Variants in SUSD1 observed in about 807,000 individuals in gnomAD.
SUSD1 encodes the protein sushi domain containing 1.
In SUSD1, 65 loss-of-function variants were observed where a neutral mutation model predicts 86.9. That is an observed-to-expected ratio of 0.75 (90% confidence interval 0.61 to 0.92). SUSD1 has a LOEUF of 0.92. Ranked by LOEUF, SUSD1 falls within the 40% of genes least tolerant of loss-of-function variation. The pLI, the probability that SUSD1 is intolerant of heterozygous loss-of-function variation, is 0.00. For synonymous variants in SUSD1, 346 were observed against 350.0 expected (o/e 0.99, Z 0.13); for missense variants, 850 against 929.7 (o/e 0.91, Z 1.11).
chr9:112,086,934 T>G (rs763166193), intron 10 of SUSD1, among the ~76,000 whole-genome samples: 1 of 151,508 alleles, frequency 6.6e-6, no homozygotes, highest in Non-Finnish European at 1.5e-5. Flanking sequence ...AAACCAGCAA[T>G]TCTGTCCTGG....
At chr9:112,102,895 G>GA (rs1049951890) in intron 8 of SUSD1, among the ~76,000 whole-genome samples, 1 of 152,124 alleles carries the variant, frequency 6.6e-6, no homozygotes, top group African/African-American at 2.4e-5. Flanking sequence ...CCATTGTACA[G>GA]AAAAAAGTCA....
rs186828622 is a variant in SUSD1 at position 112,078,312 on chromosome 9, C to T, written c.1753+226G>A. On this transcript the variant is annotated intron_variant, in intron 12 of 16. Transcript: ENST00000374270. Reference sequence around the variant, plus strand: ...TGAGCCATGATCGTGCCTCTGCACTCCAGCCTGGGCGACAGAGCAAGACCC... The same window carrying T: ...TGAGCCATGATCGTGCCTCTGCACTTCAGCCTGGGCGACAGAGCAAGACCC... 1.7e-3 allele frequency among the ~76,000 whole-genome samples: 260 copies of T among 152,326 alleles called. 1 individual carries two copies. The highest frequency in any genetic ancestry group is 3.3e-3 in the Admixed American group (51 of 15,298).
intron 9 of SUSD1, among the ~76,000 whole-genome samples, chr9:112,099,219 CAATT>C (rs1405070246): frequency 6.6e-6 from 1 of 152,058 alleles, no homozygotes; most frequent in African/African-American, 2.4e-5. Context: ...ATTATTTTTA[CAATT>C]AATTTGTAAA....
chr9:112,061,010 A>G (rs1031745217), intron 13 of SUSD1, among the ~76,000 whole-genome samples: 2 of 152,136 alleles, frequency 1.3e-5, no homozygotes, highest in Admixed American at 6.5e-5. Context: ...ATTATTATAC[A>G]AATTCCCCGA....
At chr9:112,156,171 A>AC (rs1339813642) in intron 2 of SUSD1, among the ~76,000 whole-genome samples, 1 of 151,504 alleles carries the variant, frequency 6.6e-6, no homozygotes, top group Non-Finnish European at 1.5e-5. Flanking sequence ...TAAAAAAAAA[A>AC]AAAACTCACT....
intron 7 of SUSD1, 120 bp from the exon 8 acceptor site, chr9:112,111,960 C>T: frequency 9.7e-7 from 1 of 1,031,336 alleles, no homozygotes; most frequent in African/African-American, 1.6e-5. Context: ...AGCCAGGGAG[C>T]ATTCGTAAGG....
At chr9:112,093,343 C>T (rs965811261) in intron 10 of SUSD1, among the ~76,000 whole-genome samples, 1 of 152,150 alleles carries the variant, frequency 6.6e-6, no homozygotes, top group Non-Finnish European at 1.5e-5. Flanking sequence ...CTCTGGGACC[C>T]GCCTGTGCAC....
intron 16 of SUSD1, 87 bp downstream of exon 16, chr9:112,041,780 C>A: frequency 7.5e-7 from 1 of 1,333,782 alleles, no homozygotes; most frequent in Non-Finnish European, 1.0e-6. Context: ...CTCCCTTTGA[C>A]TCCCCTCATC....
At chr9:112,161,033 T>G (rs1260748094) in intron 1 of SUSD1, among the ~76,000 whole-genome samples, 2 of 152,168 alleles carry the variant, frequency 1.3e-5, no homozygotes, top group East Asian at 3.8e-4. Context: ...CACATTAACA[T>G]TTTAGCACAA....
At chr9:112,086,262 G>C (rs1259341847) in intron 10 of SUSD1, among the ~76,000 whole-genome samples, 5 of 148,988 alleles carry the variant, frequency 3.4e-5, no homozygotes, top group African/African-American at 1.2e-4. Context: ...AAGCTGCAGT[G>C]AGATGTGTCC....
intron 14 of SUSD1, among the ~76,000 whole-genome samples, chr9:112,055,103 T>C (rs1166178969): frequency 6.6e-6 from 1 of 152,146 alleles, no homozygotes; most frequent in East Asian, 1.9e-4. Context: ...CACTTGTCAT[T>C]AGGGAAATGC....
In SUSD1 at chr9:112,054,081, A is replaced by T. The variant is rs370680966; in HGVS notation, c.2110-1643T>A. The stretch of plus-strand genomic sequence containing the variant: ...CAATGCTATTTACTGGGACAGATAC[A>T]CAAAGGGAAAAACAAAATGGGGCAT... On this transcript the variant is annotated intron_variant, in intron 14 of 16. Transcript: ENST00000374270. Among the ~76,000 whole-genome samples the T allele has an allele frequency of 4.9e-4, 74 of 152,354 alleles. No homozygotes were observed. The South Asian group carries it at 0.014, about 29-fold the overall frequency.
At chr9:112,059,128 C>G (rs1828593344) in intron 13 of SUSD1, among the ~76,000 whole-genome samples, 1 of 152,188 alleles carries the variant, frequency 6.6e-6, no homozygotes, top group African/African-American at 2.4e-5. Context: ...AGACACGACA[C>G]TAGGCAAGAA....
chr9:112,064,046 T>TTTTTTTTTTTTTTTTTG (rs1491139474), intron 12 of SUSD1, among the ~76,000 whole-genome samples: 1 of 78,656 alleles, frequency 1.3e-5, no homozygotes, highest in Non-Finnish European at 3.0e-5. Flanking sequence ...TTTCTTTTTT[T>TTTTTTTTTTTTTTTTTG]GGGGGGGGGG....
At chr9:112,067,519 T>C (rs1049191851) in intron 12 of SUSD1, among the ~76,000 whole-genome samples, 11 of 152,342 alleles carry the variant, frequency 7.2e-5, no homozygotes, top group African/African-American at 2.6e-4. Context: ...CCCTCAGCTG[T>C]GTACTGGCAG....
intron 12 of SUSD1, among the ~76,000 whole-genome samples, chr9:112,070,829 C>G (rs73532420): frequency 6.6e-6 from 1 of 151,956 alleles, no homozygotes; most frequent in Non-Finnish European, 1.5e-5. Flanking sequence ...GGAAAGAGAC[C>G]CAAAGAAATG....
intron 1 of SUSD1, among the ~76,000 whole-genome samples, chr9:112,170,865 A>G (rs1029369876): frequency 2.4e-4 from 36 of 151,790 alleles, no homozygotes; most frequent in Non-Finnish European, 3.8e-4. Flanking sequence ...GCCCACCACC[A>G]GGCCCGGCCA....
At chr9:112,096,592 T>A (rs1296376795) in intron 10 of SUSD1, among the ~76,000 whole-genome samples, 1 of 152,208 alleles carries the variant, frequency 6.6e-6, no homozygotes, top group Non-Finnish European at 1.5e-5. Flanking sequence ...CAGGCTGAAG[T>A]GCAGTGGCGC....
intron 15 of SUSD1, among the ~76,000 whole-genome samples, chr9:112,045,964 A>G (rs1189817121): frequency 6.6e-6 from 1 of 152,216 alleles, no homozygotes; most frequent in Non-Finnish European, 1.5e-5. Flanking sequence ...GCTGACTTTC[A>G]CTTGACCATC....
Sources: allele counts gnomAD v4.1 joint callset (sites outside exome capture counted in the v4.1 genomes callset), GRCh38; gene constraint gnomAD v4.1.1; transcripts MANE v1.5; gene names NCBI Gene and HGNC (gene_info 2026-07-23, HGNC 2026-07-21).